The following TENM2 variants were observed in gnomAD, a reference collection of about 807,000 sequenced individuals.
TENM2 encodes the protein teneurin transmembrane protein 2.
A neutral mutation model predicts 245.2 loss-of-function variants in TENM2; 52 were observed. The ratio of observed to expected loss-of-function variants is 0.21; its 90% confidence interval spans 0.17 to 0.27. TENM2 has a LOEUF of 0.27. Among genes scored for constraint, TENM2 ranks in the 10% least tolerant of loss-of-function variants. The probability of loss-of-function intolerance (pLI) is 1.00; values close to 1 mark genes in which losing one functional copy is unlikely to be tolerated. For missense variants in TENM2, 3,046 were observed against 3,666.8 expected, an observed-to-expected ratio of 0.83 and a Z score of 4.37; for synonymous variants, 1,363 against 1,438.9, an observed-to-expected ratio of 0.95 and a Z score of 1.19.
intron 2 of TENM2, among the ~76,000 whole-genome samples, chr5:167,570,092 A>G (rs943966535): frequency 4.6e-5 from 7 of 152,194 alleles, no homozygotes; most frequent in Admixed American, 6.5e-5. Context: ...AAACAGAACG[A>G]ATAATGTACT....
chr5:167,142,825 C>T, the TENM2 span, among the ~76,000 whole-genome samples: 1 of 152,204 alleles, frequency 6.6e-6, no homozygotes, highest in East Asian at 1.9e-4. Context: ...GCTGAGATTA[C>T]AGGCATGAGC....
chr5:167,213,629 CA>C, the TENM2 span, among the ~76,000 whole-genome samples: 1 of 152,110 alleles, frequency 6.6e-6, no homozygotes, highest in Non-Finnish European at 1.5e-5. Flanking sequence ...CATGAAAAAG[CA>C]GGTTACATGT....
chr5:167,319,566 G>A (rs146212693), intron 1 of TENM2, among the ~76,000 whole-genome samples: 66 of 152,204 alleles, frequency 4.3e-4, no homozygotes, highest in African/African-American at 1.4e-3. Flanking sequence ...CTAGATTTTC[G>A]TTTACCCTCC....
rs1239461232 is a variant in TENM2 at position 167,641,356 on chromosome 5, T to C, written c.503-234630T>C. ...AGACCAATAATTTATCACCTATATA[T>C]CATGGCTGATTGCAGAAGGAGGTCA... On this transcript the variant is annotated intron_variant, in intron 2 of 28. Coordinates refer to ENST00000518659, the Ensembl canonical transcript of TENM2. 3.9e-5 allele frequency among the ~76,000 whole-genome samples: 6 copies of C among 152,214 alleles called. No homozygotes were observed. The East Asian group carries it at 1.2e-3, about 29-fold the overall frequency.
intron 2 of TENM2, among the ~76,000 whole-genome samples, chr5:167,486,326 CT>C (rs546349438): frequency 0.033 from 4,598 of 140,504 alleles, 51 homozygotes; most frequent in Non-Finnish European, 0.047. Flanking sequence ...TTTTTCTTTT[CT>C]TTTTTTTTTT....
intron 25 of TENM2, among the ~76,000 whole-genome samples, chr5:168,237,805 A>G (rs922173415): frequency 1.3e-5 from 2 of 151,824 alleles, no homozygotes; most frequent in East Asian, 1.9e-4. Context: ...ACTGATCCCA[A>G]TGTAGCATTG....
rs570190545 is a variant in TENM2, at chr5:168,037,558, A to C, written c.1187-9869A>C. Among the ~76,000 whole-genome samples the C allele has an allele frequency of 5.1e-3, 448 of 87,676 alleles. 1 individual carries two copies. The highest frequency in any genetic ancestry group is 7.2e-3 in the Non-Finnish European group (342 of 47,374). 57.5% of individuals were successfully genotyped at this position (87,676 alleles called of 152,430 possible). ...ATGGTCTTTTTTTTTTTTTTTGGCT[A>C]ATTTTATTAACAGGTTATTTTGTTC... On this transcript the variant is annotated intron_variant, in intron 5 of 28. Coordinates refer to ENST00000518659, the Ensembl canonical transcript of TENM2.
At chr5:167,326,902 A>G (rs1489818753) in intron 1 of TENM2, among the ~76,000 whole-genome samples, 1 of 151,868 alleles carries the variant, frequency 6.6e-6, no homozygotes, top group Non-Finnish European at 1.5e-5. Context: ...GCTGCATGCT[A>G]TTAGAGAAAG....
the TENM2 span, among the ~76,000 whole-genome samples, chr5:167,242,039 G>GTTTTTTTTTTTTTTTTTTTTTTTT: frequency 1.4e-5 from 2 of 140,186 alleles, no homozygotes; most frequent in Non-Finnish European, 1.6e-5. Context: ...TTCTTTTTTT[G>GTTTTTTTTTTTTTTTTTTTTTTTT]TTTTTTGTTT....
chr5:166,983,945 CAT>C, the TENM2 span, among the ~76,000 whole-genome samples: 2 of 152,050 alleles, frequency 1.3e-5, no homozygotes, highest in Admixed American at 1.3e-4. Context: ...CTTACTATTA[CAT>C]GAGTTTATGA....
At chr5:168,041,006 G>A (rs921795372) in intron 5 of TENM2, among the ~76,000 whole-genome samples, 3 of 152,198 alleles carry the variant, frequency 2.0e-5, no homozygotes, top group African/African-American at 4.8e-5. Context: ...ATTCATGAGT[G>A]AGCCTTGACA....
intron 5 of TENM2, among the ~76,000 whole-genome samples, chr5:168,030,158 C>CTTTTTTTTTTTTTTTTTTTTTTTTTT (rs540326142): frequency 1.2e-4 from 8 of 65,288 alleles, no homozygotes; most frequent in East Asian, 8.8e-4. Flanking sequence ...GGTTCTGGCT[C>CTTTTTTTTTTTTTTTTTTTTTTTTTT]TTTTTTTTTT....
At chr5:168,157,141 G>A (rs1757257231) in intron 12 of TENM2, among the ~76,000 whole-genome samples, 1 of 152,190 alleles carries the variant, frequency 6.6e-6, no homozygotes. Context: ...CTGCTGGCAT[G>A]AGCTTGGGAG....
chr5:167,113,081 G>C, the TENM2 span, among the ~76,000 whole-genome samples: 1 of 152,202 alleles, frequency 6.6e-6, no homozygotes, highest in Non-Finnish European at 1.5e-5. Context: ...GCAGTTTCAG[G>C]TAAGAGTGTG....
chr5:167,047,652 C>A, the TENM2 span, among the ~76,000 whole-genome samples: 1 of 152,102 alleles, frequency 6.6e-6, no homozygotes, highest in Non-Finnish European at 1.5e-5. Context: ...TTTATGTTTT[C>A]TTTTGAGATT....
intron 2 of TENM2, among the ~76,000 whole-genome samples, chr5:167,463,999 G>C (rs1766489588): frequency 6.6e-6 from 1 of 152,138 alleles, no homozygotes; most frequent in Non-Finnish European, 1.5e-5. Context: ...TGAAATCTTA[G>C]GTGGGAGGAT....
chr5:167,642,114 C>T lies in TENM2; in HGVS notation c.503-233872C>T, dbSNP rs887080118. Among the ~76,000 whole-genome samples, 9 of 146,960 alleles carry T rather than the reference C, an allele frequency of 6.1e-5. No homozygotes were observed. The East Asian group carries it at 1.6e-3, about 26-fold the overall frequency. On this transcript the variant is annotated intron_variant, in intron 2 of 28. Transcript: ENST00000518659. ...CAAGATCATGCCACTGCACTCCAGC[C>T]TGGGCAACAGAGTGAGACGCTGTCT...
At chr5:167,823,176 A>G (rs1197548463) in intron 2 of TENM2, among the ~76,000 whole-genome samples, 1 of 151,562 alleles carries the variant, frequency 6.6e-6, no homozygotes, top group Non-Finnish European at 1.5e-5. Context: ...TTTTTTTTGT[A>G]TTTCAAAGTG....
chr5:167,386,249 C>T (rs2127350203), intron 2 of TENM2, among the ~76,000 whole-genome samples: 1 of 152,268 alleles, frequency 6.6e-6, no homozygotes, highest in South Asian at 2.1e-4. Context: ...TTTTGATTTG[C>T]ATTTCCCTGA....
Sources: gnomAD v4.1 joint callset for allele counts (sites outside exome capture counted in the v4.1 genomes callset) on GRCh38, gnomAD v4.1.1 for gene constraint, MANE v1.5 for transcripts, NCBI Gene and HGNC (gene_info 2026-07-23, HGNC 2026-07-21) for gene names.